Variants in ADAMTS19 observed in about 807,000 individuals in gnomAD.
The protein encoded by ADAMTS19 is A disintegrin and metalloproteinase with thrombospondin motifs 19.
Under a neutral mutation model 153.3 loss-of-function variants are expected in ADAMTS19, and 93 were observed. That is an observed-to-expected ratio of 0.61 (90% CI 0.51 to 0.72). The LOEUF is 0.72. Ranked by LOEUF, ADAMTS19 falls within the 30% of genes least tolerant of loss-of-function variation. The pLI is 0.00. For synonymous variants in ADAMTS19, 600 were observed against 556.6 expected, an observed-to-expected ratio of 1.08 and a Z score of -1.10; for missense variants, 1,482 against 1,552.1, an observed-to-expected ratio of 0.95 and a Z score of 0.76.
chr5:129,592,203 C>A (rs1347099875), intron 7 of ADAMTS19, among the ~76,000 whole-genome samples: 2 of 151,746 alleles, frequency 1.3e-5, no homozygotes, highest in African/African-American at 2.4e-5. Context: ...CATGGTGAAA[C>A]CCCATCTCTA....
intron 7 of ADAMTS19, among the ~76,000 whole-genome samples, chr5:129,561,517 C>T (rs1179914453): frequency 2.1e-5 from 3 of 143,028 alleles, no homozygotes; most frequent in Admixed American, 7.2e-5. Flanking sequence ...GCCTGGGTGA[C>T]AGAGCGAGAC....
In ADAMTS19 at chr5:129,643,386, A is replaced by G. The variant is rs1284562513; in HGVS notation, c.1872+1426A>G. Among the ~76,000 whole-genome samples, 9 of 148,926 alleles carry G rather than the reference A, an allele frequency of 6.0e-5. No individual in the cohort carries two copies. In the South Asian group the frequency reaches 1.1e-3, roughly 17 times the overall value. On this transcript the variant is annotated intron_variant, in intron 11 of 22. Transcript: ENST00000274487. ...CAAAGACAAAAAAAAAAAAAAAAAA[A>G]GAAAAAAAAAAGAAAATATAAACAC...
intron 18 of ADAMTS19, among the ~76,000 whole-genome samples, chr5:129,693,690 A>C (rs1441402771): frequency 6.6e-6 from 1 of 152,074 alleles, no homozygotes; most frequent in East Asian, 1.9e-4. Flanking sequence ...GAATAATATA[A>C]CTCCTGTAAA....
chr5:129,714,211 A>G (rs1299987796), intron 21 of ADAMTS19, among the ~76,000 whole-genome samples: 1 of 151,320 alleles, frequency 6.6e-6, no homozygotes, highest in Non-Finnish European at 1.5e-5. Context: ...TGAGGTCAGG[A>G]GATCGAGACC....
rs534637011 is a variant in ADAMTS19, at chr5:129,737,716, G to T, written c.*498G>T. On this transcript the variant is annotated 3_prime_UTR_variant, in exon 23 of 23. Coordinates refer to ENST00000274487, the MANE Select transcript of ADAMTS19 (RefSeq NM_133638.6). The stretch of plus-strand genomic sequence containing the variant: ...TAATGAACCTCATGCTGTTGAACAG[G>T]TTTTTAGAGAATGTATTATGAATTT... 1.3e-5 allele frequency: 2 copies of T among 152,600 alleles called. No individual in the cohort carries two copies. Among genetic ancestry groups the T allele is most frequent in the South Asian group, 4.1e-4 (2 of 4,832 alleles). 9.5% of individuals were successfully genotyped at this position (152,600 alleles called of 1,614,324 possible). A position where few individuals can be genotyped will look rare whatever the true frequency, so the allele number is the denominator to read the frequency against.
intron 7 of ADAMTS19, among the ~76,000 whole-genome samples, chr5:129,559,217 T>C (rs1029693006): frequency 6.6e-6 from 1 of 152,100 alleles, no homozygotes; most frequent in Non-Finnish European, 1.5e-5. Flanking sequence ...TTAGAATTAT[T>C]GATGTATATT....
At chr5:129,702,941 A>AAAT in intron 20 of ADAMTS19, among the ~76,000 whole-genome samples, 22 of 29,302 alleles carry the variant, frequency 7.5e-4, no homozygotes, top group East Asian at 5.3e-3. Flanking sequence ...AAAAAAAAAA[A>AAAT]ATATATATAT....
At chr5:129,628,412 T>C (rs1264829930) in intron 10 of ADAMTS19, among the ~76,000 whole-genome samples, 1 of 151,896 alleles carries the variant, frequency 6.6e-6, no homozygotes, top group Non-Finnish European at 1.5e-5. Context: ...TGACATGAGT[T>C]TACCTATATA....
intron 8 of ADAMTS19, among the ~76,000 whole-genome samples, chr5:129,603,914 G>C (rs1162036981): frequency 6.6e-6 from 1 of 152,184 alleles, no homozygotes; most frequent in African/African-American, 2.4e-5. Flanking sequence ...AGTTCTTCTA[G>C]CTAACTTTAC....
At chr5:129,655,040 G>T (rs1753484635) in intron 14 of ADAMTS19, among the ~76,000 whole-genome samples, 1 of 152,176 alleles carries the variant, frequency 6.6e-6, no homozygotes, top group Non-Finnish European at 1.5e-5. Flanking sequence ...AAGTGTAGAA[G>T]TGAGCAGTTG....
At chr5:129,646,995 A>G (rs1220849347) in intron 11 of ADAMTS19, among the ~76,000 whole-genome samples, 1 of 152,074 alleles carries the variant, frequency 6.6e-6, no homozygotes, top group Non-Finnish European at 1.5e-5. Context: ...AATCTCTCTC[A>G]TTGCTTTTGT....
intron 10 of ADAMTS19, among the ~76,000 whole-genome samples, chr5:129,634,440 A>G (rs1752440540): frequency 1.3e-5 from 2 of 152,150 alleles, no homozygotes; most frequent in African/African-American, 4.8e-5. Flanking sequence ...TATTTTAAAA[A>G]TCATATAGAA....
At chr5:129,725,997 T>G (rs1190771153) in intron 21 of ADAMTS19, among the ~76,000 whole-genome samples, 1 of 152,110 alleles carries the variant, frequency 6.6e-6, no homozygotes, top group Non-Finnish European at 1.5e-5. Context: ...TGGGGCTTAT[T>G]TTTTGGTGGG....
At chr5:129,627,290 C>T (rs946045884) in intron 10 of ADAMTS19, among the ~76,000 whole-genome samples, 1 of 151,842 alleles carries the variant, frequency 6.6e-6, no homozygotes, top group African/African-American at 2.4e-5. Flanking sequence ...AGGAATAGAA[C>T]CAAAGCAAAT....
intron 2 of ADAMTS19, among the ~76,000 whole-genome samples, chr5:129,489,996 T>C (rs559753553): frequency 6.6e-6 from 1 of 152,352 alleles, no homozygotes; most frequent in South Asian, 2.1e-4. Context: ...TATTAGGTAC[T>C]TTGGAATTAA....
At chr5:129,623,920 A>G (rs1751901269) in intron 10 of ADAMTS19, among the ~76,000 whole-genome samples, 2 of 151,788 alleles carry the variant, frequency 1.3e-5, no homozygotes, top group South Asian at 2.1e-4. Flanking sequence ...GGAGATCGAG[A>G]CCATCCTGGC....
At chr5:129,682,607 G>C (rs1252599508) in intron 17 of ADAMTS19, among the ~76,000 whole-genome samples, 1 of 152,018 alleles carries the variant, frequency 6.6e-6, no homozygotes, top group Non-Finnish European at 1.5e-5. Flanking sequence ...ATTAATAATA[G>C]TCTGGGTATA....
At chr5:129,654,770 T>C (rs190483945) in intron 14 of ADAMTS19, among the ~76,000 whole-genome samples, 19 of 152,284 alleles carry the variant, frequency 1.2e-4, no homozygotes, top group African/African-American at 4.3e-4. Context: ...AGCACTCTAG[T>C]TCTCCATGCT....
At chr5:129,671,008 CCTAAACAGA>C (rs1754278336) in intron 16 of ADAMTS19, among the ~76,000 whole-genome samples, 1 of 152,216 alleles carries the variant, frequency 6.6e-6, no homozygotes, top group Non-Finnish European at 1.5e-5. Context: ...CATCTATGCC[CCTAAACAGA>C]CTGAATGCTG....
Sources: allele counts gnomAD v4.1 joint callset (sites outside exome capture counted in the v4.1 genomes callset), GRCh38; gene constraint gnomAD v4.1.1; transcripts MANE v1.5; gene names NCBI Gene and HGNC (gene_info 2026-07-23, HGNC 2026-07-21).